ATAD1: variants seen among roughly 807,000 people sequenced by gnomAD.
ATAD1 encodes the protein outer mitochondrial transmembrane helix translocase.
Under a neutral mutation model 42.7 loss-of-function variants are expected in ATAD1, and 18 were observed. The ratio of observed to expected loss-of-function variants is 0.42; its 90% CI spans 0.29 to 0.63. The LOEUF is 0.63. ATAD1 is among the 20% of genes least tolerant of loss of function. ATAD1 has a pLI of 0.19. For missense variants in ATAD1, 294 were observed against 440.4 expected (o/e 0.67, Z 2.98); for synonymous variants, 132 against 143.1 (o/e 0.92, Z 0.55).
intron 8 of ATAD1, 148 bp downstream of exon 8, chr10:87,767,525 A>T: frequency 1.4e-6 from 1 of 728,562 alleles, no homozygotes; most frequent in Non-Finnish European, 2.4e-6. Context: ...AGTTCCTAAC[A>T]GGCCATAGAC....
chr10:87,825,340 T>C (rs1297872076), intron 1 of ATAD1, among the ~76,000 whole-genome samples: 5 of 150,350 alleles, frequency 3.3e-5, no homozygotes, highest in Non-Finnish European at 7.4e-5. Flanking sequence ...GATGGAGTCT[T>C]GCTCAGTCGC....
At chr10:87,814,329 G>C (rs1391516805) in intron 2 of ATAD1, 109 bp downstream of exon 2, 1 of 964,608 alleles carries the variant, frequency 1.0e-6, no homozygotes, top group African/African-American at 1.7e-5. Context: ...ATTTTCATGT[G>C]GGTCTTATAG....
At chr10:87,811,396 C>G (rs1306229888) in intron 2 of ATAD1, among the ~76,000 whole-genome samples, 1 of 151,548 alleles carries the variant, frequency 6.6e-6, no homozygotes, top group African/African-American at 2.4e-5. Flanking sequence ...GCTTCTTTAG[C>G]TGTTTTCAGC....
chr10:87,801,484 ATGT>A (rs1856691746), intron 2 of ATAD1, among the ~76,000 whole-genome samples: 1 of 92,490 alleles, frequency 1.1e-5, no homozygotes, highest in African/African-American at 4.2e-5. Flanking sequence ...ATTTGTAGAG[ATGT>A]TATTAGTATG....
At chr10:87,808,833 C>T (rs1387239052) in intron 2 of ATAD1, among the ~76,000 whole-genome samples, 1 of 151,998 alleles carries the variant, frequency 6.6e-6, no homozygotes, top group Non-Finnish European at 1.5e-5. Flanking sequence ...ATTCTTATAC[C>T]AATTTAGAAG....
At chr10:87,841,016 T>A (rs989847628) in intron 1 of ATAD1, among the ~76,000 whole-genome samples, 1 of 152,088 alleles carries the variant, frequency 6.6e-6, no homozygotes, top group Non-Finnish European at 1.5e-5. Context: ...ACTGCTAGCA[T>A]GAGAAGTACA....
intron 6 of ATAD1, among the ~76,000 whole-genome samples, chr10:87,773,622 A>G (rs1855154307): frequency 6.6e-6 from 1 of 152,232 alleles, no homozygotes; most frequent in Non-Finnish European, 1.5e-5. Flanking sequence ...ATCAAAACTC[A>G]TCATAATGAA....
At chr10:87,818,017 G>A in intron 1 of ATAD1, 150 bp downstream of exon 1, 7 of 985,728 alleles carry the variant, frequency 7.1e-6, no homozygotes, top group Non-Finnish European at 8.4e-6. Flanking sequence ...TAAGGGCTGC[G>A]GGGCGCTTGG....
At chr10:87,789,401 C>T (rs549380962) in intron 4 of ATAD1, among the ~76,000 whole-genome samples, 31 of 152,270 alleles carry the variant, frequency 2.0e-4, no homozygotes, top group Non-Finnish European at 3.8e-4. Context: ...TCTGAATCAC[C>T]TTTAACAAGC....
chr10:87,828,189 C>A (rs915047684), intron 1 of ATAD1, among the ~76,000 whole-genome samples: 1 of 151,984 alleles, frequency 6.6e-6, no homozygotes, highest in African/African-American at 2.4e-5. Flanking sequence ...GTTTCAAACT[C>A]CTGGTCTCAA....
chr10:87,781,624 A>T (rs1855562719), intron 5 of ATAD1, among the ~76,000 whole-genome samples: 1 of 149,818 alleles, frequency 6.7e-6, no homozygotes, highest in South Asian at 2.1e-4. Flanking sequence ...TGTAGAAATG[A>T]CTCAAAATGG....
At position 87,818,165 on chromosome 10, in the gene ATAD1, A is replaced by G; in HGVS notation, c.-14+2T>C. The G allele has an allele frequency of 1.0e-6, 1 of 985,498 alleles. No individual in the cohort carries two copies. Among genetic ancestry groups the G allele is most frequent in the Non-Finnish European group, 1.2e-6 (1 of 830,036 alleles). 61.0% of individuals were successfully genotyped at this position (985,498 alleles called of 1,614,324 possible). A position where few individuals can be genotyped will look rare whatever the true frequency, so the allele number is the denominator to read the frequency against. Reference sequence around the variant, plus strand: ...GAGGCCCCACGGGAACCAGCTACTCACCCAGGGGCAGAAACAGCAAGAGCA... The same window carrying G: ...GAGGCCCCACGGGAACCAGCTACTCGCCCAGGGGCAGAAACAGCAAGAGCA... On this transcript the variant is annotated splice_donor_variant, in intron 1 of 9. Coordinates refer to ENST00000680024, the MANE Select transcript of ATAD1 (RefSeq NM_001321967.2). LOFTEE classifies it low-confidence loss of function (5UTR_SPLICE).
At chr10:87,828,729 G>A (rs1322296776) in intron 1 of ATAD1, among the ~76,000 whole-genome samples, 1 of 152,186 alleles carries the variant, frequency 6.6e-6, no homozygotes, top group Non-Finnish European at 1.5e-5. Flanking sequence ...TGGCTTTAAA[G>A]CTTCAAAAAC....
chr10:87,797,144 C>T (rs1326712013), intron 2 of ATAD1, among the ~76,000 whole-genome samples: 1 of 152,154 alleles, frequency 6.6e-6, no homozygotes, highest in Non-Finnish European at 1.5e-5. Flanking sequence ...TTAATTTCTC[C>T]TTACCATTAG....
At chr10:87,797,984 C>T (rs536623513) in intron 2 of ATAD1, among the ~76,000 whole-genome samples, 4 of 152,152 alleles carry the variant, frequency 2.6e-5, no homozygotes, top group South Asian at 2.1e-4. Flanking sequence ...CCTGGGTGAC[C>T]GGGGGCCTAA....
At chr10:87,764,969 AC>A (rs987370285) in intron 8 of ATAD1, among the ~76,000 whole-genome samples, 1 of 152,234 alleles carries the variant, frequency 6.6e-6, no homozygotes, top group Admixed American at 6.5e-5. Context: ...CATTTAGAAA[AC>A]AATAATCAGA....
At chr10:87,810,825 G>A (rs1857143528) in intron 2 of ATAD1, among the ~76,000 whole-genome samples, 1 of 151,950 alleles carries the variant, frequency 6.6e-6, no homozygotes, top group African/African-American at 2.4e-5. Context: ...TAGCCTTTTG[G>A]GGTTCTAGAT....
intron 5 of ATAD1, among the ~76,000 whole-genome samples, chr10:87,779,879 G>A (rs1855487125): frequency 1.3e-5 from 2 of 152,178 alleles, no homozygotes; most frequent in Non-Finnish European, 2.9e-5. Flanking sequence ...TGGTGGAAAT[G>A]CAAAATGGTA....
chr10:87,796,910 A>C (rs1856419312), intron 2 of ATAD1, among the ~76,000 whole-genome samples: 1 of 151,978 alleles, frequency 6.6e-6, no homozygotes, highest in South Asian at 2.1e-4. Context: ...CTTTTTTTGG[A>C]GTTTCACTTG....
Sources: gnomAD v4.1 joint callset for allele counts (sites outside exome capture counted in the v4.1 genomes callset) on GRCh38, gnomAD v4.1.1 for gene constraint, MANE v1.5 for transcripts, NCBI Gene and HGNC (gene_info 2026-07-23, HGNC 2026-07-21) for gene names.